The following CORO2B variants were observed in gnomAD, a reference collection of about 807,000 sequenced individuals.
CORO2B encodes coronin 2B.
Under a neutral mutation model 58.8 loss-of-function variants are expected in CORO2B, and 26 were observed. The ratio of observed to expected loss-of-function variants is 0.44; its 90% CI spans 0.32 to 0.61. The LOEUF is 0.61. Ranked by LOEUF, CORO2B falls within the 20% of genes least tolerant of loss-of-function variation. The pLI is 0.04. For missense variants in CORO2B, 460 were observed against 645.1 expected (o/e 0.71, Z 3.11); for synonymous variants, 242 against 253.8 (o/e 0.95, Z 0.44).
intron 1 of CORO2B, among the ~76,000 whole-genome samples, chr15:68,591,162 AG>A (rs920649639): frequency 9.3e-4 from 141 of 152,284 alleles, no homozygotes; most frequent in African/African-American, 3.2e-3. Flanking sequence ...GTGGAACAGC[AG>A]TGACAGGGAC....
At chr15:68,635,202 T>G (rs1900993487) in intron 1 of CORO2B, among the ~76,000 whole-genome samples, 1 of 152,138 alleles carries the variant, frequency 6.6e-6, no homozygotes, top group Admixed American at 6.5e-5. Flanking sequence ...AACCACCCAT[T>G]TGATCCCCTG....
chr15:68,621,996 G>A (rs2140252491), intron 1 of CORO2B, among the ~76,000 whole-genome samples: 1 of 152,160 alleles, frequency 6.6e-6, no homozygotes, highest in South Asian at 2.1e-4. Flanking sequence ...AAACTCCTGG[G>A]CTCAAGTGAT....
the CORO2B span, among the ~76,000 whole-genome samples, chr15:68,534,393 C>T: frequency 3.3e-5 from 5 of 152,226 alleles, no homozygotes; most frequent in Non-Finnish European, 7.3e-5. Context: ...GGTAAAGTGG[C>T]ACTTCTTAAA....
At chr15:68,525,837 C>T in the CORO2B span, among the ~76,000 whole-genome samples, 1 of 152,152 alleles carries the variant, frequency 6.6e-6, no homozygotes, top group Admixed American at 6.5e-5. Context: ...CAAATGTATA[C>T]ATTCATGTAC....
chr15:68,578,853 T>C (rs544199294), upstream of CORO2B: 64 of 243,044 alleles, frequency 2.6e-4, no homozygotes, highest in South Asian at 8.4e-3. The surrounding 1 kb of genome is among the most constrained non-coding windows in gnomAD (Gnocchi z 4.2). Flanking sequence ...CGGCCGGCGA[T>C]CGAGCGGGAG....
At chr15:68,703,598 C>T (rs999127534) in intron 3 of CORO2B, among the ~76,000 whole-genome samples, 5 of 152,182 alleles carry the variant, frequency 3.3e-5, no homozygotes, top group African/African-American at 1.2e-4. Flanking sequence ...CTCCTGTGAA[C>T]TTCTATACCA....
chr15:68,715,888 C>G (rs12915435), intron 8 of CORO2B, among the ~76,000 whole-genome samples: 24,929 of 152,254 alleles, frequency 0.16, 2,561 homozygotes, highest in Non-Finnish European at 0.22. Flanking sequence ...TTTCAACTAA[C>G]CTGGTAATGC....
the CORO2B span, among the ~76,000 whole-genome samples, chr15:68,529,295 G>A: frequency 6.6e-6 from 1 of 151,992 alleles, no homozygotes; most frequent in Non-Finnish European, 1.5e-5. Flanking sequence ...CAATTTAGGA[G>A]TAAGTAGTCA....
chr15:68,540,782 C>T, the CORO2B span, among the ~76,000 whole-genome samples: 2 of 152,170 alleles, frequency 1.3e-5, no homozygotes, highest in African/African-American at 4.8e-5. Flanking sequence ...AACACACACA[C>T]AAACACACAC....
At chr15:68,631,348 CA>C (rs34035264) in intron 1 of CORO2B, among the ~76,000 whole-genome samples, 1 of 152,266 alleles carries the variant, frequency 6.6e-6, no homozygotes, top group African/African-American at 2.4e-5. Flanking sequence ...ACTCGAGCTC[CA>C]AAAAGTTTAT....
the CORO2B span, among the ~76,000 whole-genome samples, chr15:68,567,448 A>G: frequency 1.3e-5 from 2 of 152,068 alleles, no homozygotes; most frequent in Non-Finnish European, 2.9e-5. Flanking sequence ...ATGTAGAGCT[A>G]GTGGAAGATA....
chr15:68,529,423 A>G, the CORO2B span, among the ~76,000 whole-genome samples: 1 of 152,252 alleles, frequency 6.6e-6, no homozygotes, highest in Non-Finnish European at 1.5e-5. Context: ...TATTCATAAC[A>G]TGTATATGGC....
intron 1 of CORO2B, among the ~76,000 whole-genome samples, chr15:68,640,553 A>G (rs894176805): frequency 6.6e-5 from 10 of 151,312 alleles, no homozygotes; most frequent in African/African-American, 2.2e-4. Flanking sequence ...AGGTTAAAGA[A>G]GGCAAAAGAG....
intron 2 of CORO2B, among the ~76,000 whole-genome samples, chr15:68,660,724 A>G (rs924825957): frequency 5.3e-5 from 8 of 151,890 alleles, no homozygotes; most frequent in Non-Finnish European, 1.2e-4. Flanking sequence ...CATATCCACA[A>G]TCTCTTTCAT....
At chr15:68,543,088 G>A in the CORO2B span, among the ~76,000 whole-genome samples, 1 of 152,210 alleles carries the variant, frequency 6.6e-6, no homozygotes, top group African/African-American at 2.4e-5. Context: ...GACTGACGGA[G>A]ACAACTCAGG....
chr15:68,640,591 C>G (rs146719088), intron 1 of CORO2B, among the ~76,000 whole-genome samples: 1 of 151,442 alleles, frequency 6.6e-6, no homozygotes, highest in Non-Finnish European at 1.5e-5. Context: ...AACACATGAA[C>G]CTAGGTTTCA....
At chr15:68,589,995 G>A (rs910506197) in intron 1 of CORO2B, among the ~76,000 whole-genome samples, 3 of 152,162 alleles carry the variant, frequency 2.0e-5, no homozygotes, top group African/African-American at 7.2e-5. Flanking sequence ...CCTGGAAGCT[G>A]GCCGTCCTGG....
At chr15:68,688,083 T>C (rs986904041) in intron 2 of CORO2B, among the ~76,000 whole-genome samples, 1 of 152,246 alleles carries the variant, frequency 6.6e-6, no homozygotes, top group African/African-American at 2.4e-5. Flanking sequence ...CAAAAGCTTT[T>C]GAAACTTGCA....
At chr15:68,650,938 C>T (rs549737229) in intron 2 of CORO2B, among the ~76,000 whole-genome samples, 33 of 152,282 alleles carry the variant, frequency 2.2e-4, no homozygotes, top group Admixed American at 9.8e-4. Flanking sequence ...AGATGAATGT[C>T]TTCATCTGCC....
Sources: gnomAD v4.1 joint callset for allele counts (sites outside exome capture counted in the v4.1 genomes callset) on GRCh38, gnomAD v4.1.1 for gene constraint, Gnocchi (gnomAD v3.1) non-coding constraint, MANE v1.5 for transcripts, NCBI Gene and HGNC (gene_info 2026-07-23, HGNC 2026-07-21) for gene names.